Variants in CAMKK2 observed in about 807,000 individuals in gnomAD.
The protein encoded by CAMKK2 is calcium/calmodulin-dependent protein kinase kinase 2.
A neutral mutation model predicts 67.2 loss-of-function variants in CAMKK2; 30 were observed. The ratio of observed to expected loss-of-function variants is 0.45; its 90% confidence interval spans 0.33 to 0.61. The LOEUF is 0.61. Among genes scored for constraint, CAMKK2 ranks in the 20% least tolerant of loss-of-function variants. The pLI is 0.02. For synonymous variants in CAMKK2, 322 were observed against 326.2 expected (o/e 0.99, Z 0.14); for missense variants, 643 against 802.0 (o/e 0.80, Z 2.39).
At chr12:121,247,219 C>A (rs537645416) in intron 14 of CAMKK2, among the ~76,000 whole-genome samples, 1 of 152,190 alleles carries the variant, frequency 6.6e-6, no homozygotes, top group Admixed American at 6.5e-5. Flanking sequence ...CCATTAGGGG[C>A]ATGTCCTGTG....
chr12:121,256,783 A>G (rs1470480276), intron 7 of CAMKK2, among the ~76,000 whole-genome samples: 1 of 152,154 alleles, frequency 6.6e-6, no homozygotes, highest in Non-Finnish European at 1.5e-5. Flanking sequence ...TGGATAGACC[A>G]CATTTTCTTT....
intron 1 of CAMKK2, among the ~76,000 whole-genome samples, chr12:121,292,868 T>C (rs927986628): frequency 6.7e-6 from 1 of 150,300 alleles, no homozygotes; most frequent in Non-Finnish European, 1.5e-5. Context: ...GCTCTGGTGG[T>C]TGAGGTAGAA....
intron 1 of CAMKK2, among the ~76,000 whole-genome samples, chr12:121,290,894 A>G (rs914599473): frequency 6.6e-6 from 1 of 152,112 alleles, no homozygotes; most frequent in African/African-American, 2.4e-5. Context: ...ACCTCGGCTC[A>G]CTGCAGCCTC....
chr12:121,252,713 G>T lies in CAMKK2; in HGVS notation c.1109C>A (p.Ala370Asp). 6.2e-7 allele frequency: 1 copy of T among 1,614,136 alleles called. No individual in the cohort carries two copies. The highest frequency in any genetic ancestry group is 8.5e-7 in the Non-Finnish European group (1 of 1,179,990). Reference protein sequence around the residue: ...SETRKIFSGKALDVWAMGVTL... With the variant: ...SETRKIFSGKDLDVWAMGVTL... ...CACACCCATGGCCCAAACATCCAAG[G>T]CCTGCAAGAAAAAGAGCTTAGTGTG... Residue 370 changes from alanine to aspartate, a missense_variant and splice_region_variant, in exon 11 of 17, where the codon GCC becomes GAC. Physicochemically the swap from Ala to Asp is moderately radical, Grantham distance 126. This residue lies in a region of CAMKK2 where 483 missense variants were observed against 625.8 expected (regional missense o/e 0.77). Transcript: ENST00000404169.
At chr12:121,241,462 T>TC (rs1888362892) in intron 16 of CAMKK2, among the ~76,000 whole-genome samples, 1 of 152,162 alleles carries the variant, frequency 6.6e-6, no homozygotes, top group Non-Finnish European at 1.5e-5. Context: ...GGAGGCCCCT[T>TC]CCCTCTTGGA....
chr12:121,290,852 T>A (rs1299434976), intron 1 of CAMKK2, among the ~76,000 whole-genome samples: 4 of 152,232 alleles, frequency 2.6e-5, no homozygotes, highest in African/African-American at 9.7e-5. Context: ...GGAGTCTCGC[T>A]CTGTCACCCA....
At chr12:121,242,893 C>T (rs967255337) in intron 16 of CAMKK2, among the ~76,000 whole-genome samples, 3 of 152,166 alleles carry the variant, frequency 2.0e-5, no homozygotes, top group Non-Finnish European at 1.5e-5. Context: ...CAGGCGCCCG[C>T]CACCGCGCCC....
At chr12:121,270,194 A>G (rs919378956) in intron 3 of CAMKK2, among the ~76,000 whole-genome samples, 14 of 152,044 alleles carry the variant, frequency 9.2e-5, no homozygotes, top group Non-Finnish European at 1.3e-4. Context: ...ACATAGTGAA[A>G]CCCTGTCTCT....
In CAMKK2 at chr12:121,285,546, C is replaced by A. The variant is rs990429843; in HGVS notation, c.-59-10961G>T. Reference sequence around the variant, plus strand: ...TGTGTGGGCCAGGCATGGTGGCTCACGCCTGTGCTCCTAGCACTGTGGAAG... The same window carrying A: ...TGTGTGGGCCAGGCATGGTGGCTCAAGCCTGTGCTCCTAGCACTGTGGAAG... On this transcript the variant is annotated intron_variant, in intron 1 of 16. Transcript: ENST00000404169. This position sits in a 1 kb window ranked among gnomAD's most constrained non-coding sequence, Gnocchi z 4.1. 4.6e-5 allele frequency among the ~76,000 whole-genome samples: 7 copies of A among 152,058 alleles called. No homozygotes were observed. Among genetic ancestry groups the A allele is most frequent in the Non-Finnish European group, 8.8e-5 (6 of 68,024 alleles).
At chr12:121,258,842 A>ATT (rs63519464) in intron 7 of CAMKK2, among the ~76,000 whole-genome samples, 33 of 129,558 alleles carry the variant, frequency 2.5e-4, no homozygotes, top group East Asian at 6.5e-4. Flanking sequence ...GTCAAAGCCA[A>ATT]TTTTTTTTTT....
At chr12:121,262,263 A>G (rs1398988233) in intron 6 of CAMKK2, among the ~76,000 whole-genome samples, 4 of 152,168 alleles carry the variant, frequency 2.6e-5, no homozygotes. Context: ...CTGTAATCCC[A>G]GCACTTTGGG....
intron 1 of CAMKK2, among the ~76,000 whole-genome samples, chr12:121,289,831 T>C (rs1465921770): frequency 3.3e-5 from 5 of 149,578 alleles, no homozygotes; most frequent in Non-Finnish European, 7.4e-5. Flanking sequence ...AGGCAGAGGT[T>C]GCGGTGAGCT....
intron 5 of CAMKK2, among the ~76,000 whole-genome samples, chr12:121,264,690 C>T (rs373508339): frequency 6.6e-6 from 1 of 151,930 alleles, no homozygotes; most frequent in Admixed American, 6.6e-5. Flanking sequence ...AGGAGAATGG[C>T]GTGAACCTGG....
At chr12:121,257,835 T>C (rs1054363596) in intron 7 of CAMKK2, among the ~76,000 whole-genome samples, 1 of 152,092 alleles carries the variant, frequency 6.6e-6, no homozygotes, top group Non-Finnish European at 1.5e-5. Context: ...ATTTAAGTCT[T>C]CACTTGCAAG....
intron 13 of CAMKK2, 120 bp downstream of exon 13, chr12:121,249,667 A>G: frequency 1.2e-6 from 1 of 848,632 alleles, no homozygotes; most frequent in South Asian, 1.4e-5. Context: ...GCCCTGGGGC[A>G]TAGGAGAACA....
intron 9 of CAMKK2, among the ~76,000 whole-genome samples, 168 bp downstream of exon 9, chr12:121,255,372 ATATATAATTT>A (rs1261570356): frequency 1.2e-4 from 3 of 24,710 alleles, no homozygotes; most frequent in African/African-American, 1.6e-4. Flanking sequence ...ATAATTTTAT[ATATATAATTT>A]TATATATATA....
At position 121,245,174 on chromosome 12, in the gene CAMKK2, C is replaced by T; in HGVS notation, c.1519G>A (p.Glu507Lys). The T allele has an allele frequency of 6.2e-7, 1 of 1,607,548 alleles. No individual in the cohort carries two copies. The highest frequency in any genetic ancestry group is 8.5e-7 in the Non-Finnish European group (1 of 1,176,698). The change falls in exon 15 of 17, where the codon GAA becomes AAA. Residue 507 changes from glutamate to lysine, a missense_variant. By Grantham distance (56) the Glu-to-Lys change is moderately conservative. Around this residue, in one of 3 missense-constraint regions of CAMKK2, gnomAD observed 140 missense variants for 124.2 expected, o/e 1.13. Coordinates refer to ENST00000404169, the MANE Select transcript of CAMKK2 (RefSeq NM_001270485.2). The surrounding 1 kb of genome is among the most constrained non-coding windows in gnomAD (Gnocchi z 5.8). ...GNPFEGSRRE[E>K]RSLSAPGNLL... The stretch of plus-strand genomic sequence containing the variant: ...TTTCCAGGCGCTGACAGTGAGCGTT[C>T]CTCCCGCCGGCTGCCCTCGAATGGG...
chr12:121,255,908 G>A (rs1157760870), intron 7 of CAMKK2, 104 bp from the exon 8 acceptor site: 3 of 1,068,476 alleles, frequency 2.8e-6, no homozygotes, highest in East Asian at 2.4e-5. Flanking sequence ...AAGAAAGACA[G>A]AAACTAGTAT....
At chr12:121,244,086 T>C in intron 16 of CAMKK2, 3 of 1,610,638 alleles carry the variant, frequency 1.9e-6, no homozygotes. Flanking sequence ...AGGGAACTCT[T>C]ACGTTACTTT....
Sources: allele counts gnomAD v4.1 joint callset (sites outside exome capture counted in the v4.1 genomes callset), GRCh38; gene constraint gnomAD v4.1.1; regional missense constraint gnomAD v4.1.1; non-coding constraint Gnocchi (gnomAD v3.1); transcripts MANE v1.5; gene names NCBI Gene and HGNC (gene_info 2026-07-23, HGNC 2026-07-21).